VIPAS39: variants seen among roughly 807,000 people sequenced by gnomAD.
VIPAS39 encodes the protein spermatogenesis-defective protein 39 homolog.
Under a neutral mutation model 84.7 loss-of-function variants are expected in VIPAS39, and 63 were observed. The observed-to-expected ratio is 0.74, with a 90% confidence interval of 0.61 to 0.92. The LOEUF is 0.92. Among genes scored for constraint, VIPAS39 ranks in the 40% least tolerant of loss-of-function variants. The pLI is 0.00. For synonymous variants in VIPAS39, 192 were observed against 216.5 expected, an observed-to-expected ratio of 0.89 and a Z score of 0.99; for missense variants, 499 against 604.5, an observed-to-expected ratio of 0.83 and a Z score of 1.83.
chr14:77,445,051 C>T (rs1244503633), intron 7 of VIPAS39, among the ~76,000 whole-genome samples: 4 of 151,856 alleles, frequency 2.6e-5, no homozygotes, highest in African/African-American at 7.3e-5. Context: ...CCCCGCTTCC[C>T]GGGTTCACAC....
intron 1 of VIPAS39, among the ~76,000 whole-genome samples, chr14:77,455,140 AACT>A (rs1376891509): frequency 6.6e-6 from 1 of 152,164 alleles, no homozygotes. Flanking sequence ...TCCCTGTTAT[AACT>A]ACTATAAAAT....
chr14:77,451,068 C>T (rs1289987439), intron 4 of VIPAS39, 119 bp downstream of exon 4: 3 of 1,479,228 alleles, frequency 2.0e-6, no homozygotes, highest in Non-Finnish European at 1.9e-6. Flanking sequence ...CTGCCACCTC[C>T]AATGAGAATG....
At chr14:77,457,470 C>T in intron 1 of VIPAS39, 25 bp downstream of exon 1, 3 of 1,441,848 alleles carry the variant, frequency 2.1e-6, no homozygotes, top group Non-Finnish European at 2.8e-6. Context: ...AGATACGCGA[C>T]CCAAGGGGCT....
At chr14:77,435,968 A>G (rs1190573957) in intron 12 of VIPAS39, 49 bp from the exon 13 acceptor site, 3 of 1,596,048 alleles carry the variant, frequency 1.9e-6, no homozygotes, top group Non-Finnish European at 2.6e-6. Flanking sequence ...AAACAAGGAA[A>G]CAAACCCAAC....
rs539397523 is a variant in VIPAS39, at chr14:77,451,383, T to TTTGAAA, written c.197-51_197-50insTTTCAA. The TTTGAAA allele has an allele frequency of 1.8e-5, 29 of 1,613,742 alleles. No individual in the cohort carries two copies. In the African/African-American group the frequency reaches 3.1e-4, roughly 17 times the overall value. On this transcript the variant is annotated intron_variant, in intron 3 of 19. Transcript: ENST00000557658. ...AGCAATTCTCATCCACAATAAAGCC[T>TTTGAAA]TGACATCCAACATTCAATAAACTCT...
intron 1 of VIPAS39, among the ~76,000 whole-genome samples, chr14:77,456,299 C>T (rs1034097226): frequency 6.6e-6 from 1 of 152,072 alleles, no homozygotes; most frequent in Non-Finnish European, 1.5e-5. Flanking sequence ...AATACATCAT[C>T]CTGGTACCTT....
chr14:77,456,993 G>A (rs1376564108), intron 1 of VIPAS39: 1 of 1,025,088 alleles, frequency 9.8e-7, no homozygotes, highest in African/African-American at 1.6e-5. Flanking sequence ...GGCAGGGTGA[G>A]AGACCTCAGG....
At chr14:77,440,929 G>C (rs1350594037) in intron 11 of VIPAS39, 137 bp downstream of exon 11, 14 of 967,632 alleles carry the variant, frequency 1.4e-5, no homozygotes, top group Non-Finnish European at 1.9e-5. Flanking sequence ...TGTTGGCCAG[G>C]CTGGTCTTGA....
At chr14:77,450,126 T>C (rs1466252200) in intron 4 of VIPAS39, among the ~76,000 whole-genome samples, 3 of 152,084 alleles carry the variant, frequency 2.0e-5, no homozygotes, top group Non-Finnish European at 4.4e-5. Context: ...AAACAATAAC[T>C]CTCCATTCCC....
chr14:77,445,120 G>A (rs564474817), intron 7 of VIPAS39, among the ~76,000 whole-genome samples: 7 of 150,426 alleles, frequency 4.7e-5, no homozygotes, highest in South Asian at 2.1e-4. Flanking sequence ...CACCACACCC[G>A]GCTAATTTTT....
At position 77,448,543 on chromosome 14, in the gene VIPAS39, C is replaced by A. The variant is rs1363559667; in HGVS notation, c.455G>T (p.Ser152Ile). The change falls in exon 7 of 20, where the codon AGC becomes ATC. Residue 152 changes from serine (S) to isoleucine (I), a missense_variant. Physicochemically the swap from Ser to Ile is moderately radical, Grantham distance 142. Coordinates refer to ENST00000557658, the MANE Select transcript of VIPAS39 (RefSeq NM_001193315.2). ...GRPKGEYRDY[S>I]NDWSPSDTVR... ...TGTATCACTGGGGCTCCAGTCATTG[C>A]TGTAATCCTGGAATATTAGCAATAC... 1 of 1,614,116 alleles carries A rather than the reference C, an allele frequency of 6.2e-7. No homozygotes were observed.
At chr14:77,439,636 T>A (rs1445447696) in intron 11 of VIPAS39, among the ~76,000 whole-genome samples, 2 of 152,014 alleles carry the variant, frequency 1.3e-5, no homozygotes, top group South Asian at 4.1e-4. Flanking sequence ...AAAAGATTTT[T>A]AAAAATTAGT....
At position 77,433,982 on chromosome 14, in the gene VIPAS39, G is replaced by A. The variant is rs369532180; in HGVS notation, c.1090-51C>T. ...TAAGGGGAAGTAGAAATACATCAAT[G>A]GGGGTGCTTAAGAATTTTAGAAAAG... On this transcript the variant is annotated intron_variant, in intron 15 of 19. Coordinates refer to ENST00000557658, the MANE Select transcript of VIPAS39 (RefSeq NM_001193315.2). 6 of 1,559,102 alleles carry A rather than the reference G, an allele frequency of 3.8e-6. No homozygotes were observed. In the Admixed American group the frequency reaches 8.4e-5, roughly 22 times the overall value.
intron 1 of VIPAS39, among the ~76,000 whole-genome samples, chr14:77,454,777 T>C (rs11159261): frequency 0.48 from 72,153 of 151,744 alleles, 18,636 homozygotes; most frequent in East Asian, 0.94. Flanking sequence ...CAGGCAAATG[T>C]TATAAGAATC....
At position 77,429,674 on chromosome 14, in the gene VIPAS39, C is replaced by A. The variant is rs1317638886; in HGVS notation, c.1266+7G>T. ...TCCTGTACCCAACTCTCTTCAGGAC[C>A]CATTACCTGCACAGGGGCATTGTTC... On this transcript the variant is annotated splice_region_variant and intron_variant, in intron 17 of 19. Coordinates refer to ENST00000557658, the MANE Select transcript of VIPAS39 (RefSeq NM_001193315.2). The A allele has an allele frequency of 1.2e-6, 2 of 1,613,868 alleles. No homozygotes were observed. Among genetic ancestry groups the A allele is most frequent in the Non-Finnish European group, 8.5e-7 (1 of 1,179,902 alleles).
At chr14:77,429,615 C>G in intron 17 of VIPAS39, 66 bp downstream of exon 17, 1 of 1,514,690 alleles carries the variant, frequency 6.6e-7, no homozygotes, top group Non-Finnish European at 9.2e-7. Context: ...CATCACTGAC[C>G]AGTAAGAGGC....
At position 77,453,345 on chromosome 14, in the gene VIPAS39, G is replaced by A. The variant is rs566440125; in HGVS notation, c.150C>T (p.Asp50=). 56 of 1,613,730 alleles carry A rather than the reference G, an allele frequency of 3.5e-5. No homozygotes were observed. The highest frequency in any genetic ancestry group is 8.0e-5 in the African/African-American group (6 of 74,782). The change falls in exon 3 of 20, where the codon GAC becomes GAT. Residue 50 remains aspartate (D), a synonymous_variant. Coordinates refer to ENST00000557658, the MANE Select transcript of VIPAS39 (RefSeq NM_001193315.2). ...NSLRDFVDDD[D]DDDLERVSWS... is the part of the protein sequence containing the mutation. ...AGCTGACTCGCTCCAGGTCATCATC[G>A]TCATCATCATCCACGAAGTCTCGGA...
At chr14:77,435,705 A>G (rs939578626) in intron 13 of VIPAS39, 139 bp downstream of exon 13, 5 of 980,952 alleles carry the variant, frequency 5.1e-6, no homozygotes, top group South Asian at 2.7e-5. Flanking sequence ...GAAGGGGGCT[A>G]TTGTGTACAG....
Position 77,445,930 on chromosome 14 carries a change from A to C in VIPAS39, c.505-1589T>G, listed in dbSNP as rs1382866386. Among the ~76,000 whole-genome samples, 6 of 141,394 alleles carry C rather than the reference A, an allele frequency of 4.2e-5. No homozygotes were observed. In the East Asian group the frequency reaches 1.0e-3, roughly 24 times the overall value. 92.8% of individuals were successfully genotyped at this position (141,394 alleles called of 152,430 possible). ...ACTCCAGCCCGGGCGACAGAAGGAG[A>C]CTCCATCTCAAAAAAAAAAAAAAAA... On this transcript the variant is annotated intron_variant, in intron 7 of 19. Coordinates refer to ENST00000557658, the MANE Select transcript of VIPAS39 (RefSeq NM_001193315.2).
Sources: gnomAD v4.1 joint callset for allele counts (sites outside exome capture counted in the v4.1 genomes callset) on GRCh38, gnomAD v4.1.1 for gene constraint, MANE v1.5 for transcripts, NCBI Gene and HGNC (gene_info 2026-07-23, HGNC 2026-07-21) for gene names.